Variants in SLC7A6 observed in about 807,000 individuals in gnomAD.
The protein encoded by SLC7A6 is solute carrier family 7 member 6, also known as Y+L amino acid transporter 2.
In SLC7A6, 29 loss-of-function variants were observed where a neutral mutation model predicts 46.6. The ratio of observed to expected loss-of-function variants is 0.62; its 90% CI spans 0.46 to 0.85. SLC7A6 has a LOEUF of 0.85. Ranked by LOEUF, SLC7A6 falls within the 40% of genes least tolerant of loss-of-function variation. The pLI is 0.00. For synonymous variants in SLC7A6, 276 were observed against 257.3 expected (o/e 1.07, Z -0.70); for missense variants, 527 against 647.6 (o/e 0.81, Z 2.02).
At chr16:68,289,413 C>T (rs2043003422) in intron 4 of SLC7A6, among the ~76,000 whole-genome samples, 1 of 152,228 alleles carries the variant, frequency 6.6e-6, no homozygotes, top group Non-Finnish European at 1.5e-5. Context: ...CCTGGAGGCT[C>T]AGGAGCATCC....
intron 3 of SLC7A6, among the ~76,000 whole-genome samples, chr16:68,287,112 G>C (rs1242882214): frequency 1.3e-5 from 2 of 151,620 alleles, no homozygotes; most frequent in African/African-American, 4.8e-5. Flanking sequence ...TGAGTAGCTG[G>C]GACTACAGGT....
At chr16:68,286,952 T>C (rs1235664606) in intron 3 of SLC7A6, among the ~76,000 whole-genome samples, 2 of 152,040 alleles carry the variant, frequency 1.3e-5, no homozygotes, top group African/African-American at 4.8e-5. Context: ...GAGAGGTGTA[T>C]GTGAAATTGT....
chr16:68,276,056 C>T (rs549072361), intron 3 of SLC7A6, among the ~76,000 whole-genome samples: 5 of 152,318 alleles, frequency 3.3e-5, no homozygotes, highest in Admixed American at 2.0e-4. Flanking sequence ...TGTTAAACTT[C>T]AGGCCCACAG....
intron 3 of SLC7A6, among the ~76,000 whole-genome samples, chr16:68,279,003 G>A (rs1325277514): frequency 6.6e-6 from 1 of 152,114 alleles, no homozygotes; most frequent in Non-Finnish European, 1.5e-5. Context: ...CCTCCCTCCT[G>A]GATGGGGCGG....
At chr16:68,278,509 T>C (rs1378675872) in intron 3 of SLC7A6, among the ~76,000 whole-genome samples, 1 of 151,266 alleles carries the variant, frequency 6.6e-6, no homozygotes, top group Admixed American at 6.6e-5. Flanking sequence ...GGAGTGGTGA[T>C]GACTCTTAAC....
At position 68,298,383 on chromosome 16, in the gene SLC7A6, T is replaced by G. The variant is rs2043212237; in HGVS notation, c.*1055T>G. The G allele has an allele frequency of 6.6e-6, 1 of 152,620 alleles. No individual in the cohort carries two copies. Among genetic ancestry groups the G allele is most frequent in the African/African-American group, 2.4e-5 (1 of 41,468 alleles). The allele number at this position is 152,620 out of a possible 1,614,324, so 9.5% of individuals were successfully genotyped here. A position where few individuals can be genotyped will look rare whatever the true frequency, so the allele number is the denominator to read the frequency against. On this transcript the variant is annotated 3_prime_UTR_variant, in exon 11 of 11. Transcript: ENST00000219343. ...AACCTGTTCCTCTCTGTAAGGGCAGTGTGAGGGACTGCTGTGCAGACCCAA... is the reference window on the plus strand; with the variant it reads ...AACCTGTTCCTCTCTGTAAGGGCAGGGTGAGGGACTGCTGTGCAGACCCAA...
At chr16:68,279,508 G>C (rs1276852632) in intron 3 of SLC7A6, among the ~76,000 whole-genome samples, 1 of 152,032 alleles carries the variant, frequency 6.6e-6, no homozygotes, top group African/African-American at 2.4e-5. Context: ...GTTGATCTTG[G>C]GGAGTTAACT....
At chr16:68,286,431 G>T (rs556897925) in intron 3 of SLC7A6, among the ~76,000 whole-genome samples, 1 of 152,324 alleles carries the variant, frequency 6.6e-6, no homozygotes, top group Admixed American at 6.5e-5. Context: ...TTTTATGTGT[G>T]TGTACGGTAC....
rs10525504 is a variant in SLC7A6, at chr16:68,291,762, GGTGTGT to G, written c.1022+134_1022+139del. 646 of 547,842 alleles carry G rather than the reference GGTGTGT, an allele frequency of 1.2e-3. 3 individuals are homozygous for G. The highest frequency in any genetic ancestry group is 5.0e-3 in the East Asian group (155 of 31,100). 33.9% of individuals were successfully genotyped at this position (547,842 alleles called of 1,614,324 possible). A position where few individuals can be genotyped will look rare whatever the true frequency, so the allele number is the denominator to read the frequency against. On this transcript the variant is annotated intron_variant, in intron 7 of 10. Transcript: ENST00000219343. ...TTCCCTCCTTCTCATGGGCATATAG[GGTGTGT>G]GTGTGTGTGTGTGTGTGTGTGTGTG...
chr16:68,283,221 ATGT>A, intron 3 of SLC7A6, among the ~76,000 whole-genome samples: 1 of 152,228 alleles, frequency 6.6e-6, no homozygotes, highest in Non-Finnish European at 1.5e-5. Context: ...TGGCTCAAAC[ATGT>A]TGATGTTTGT....
In SLC7A6 at chr16:68,298,620, T is replaced by C. The variant is rs1258674165; in HGVS notation, c.*1292T>C. On this transcript the variant is annotated 3_prime_UTR_variant, in exon 11 of 11. Transcript: ENST00000219343. ...AGAGCTTGGTACTTGTGGGGACTTC[T>C]GTTTTCTCCCTGTGGAGATCAGTGA... is the stretch of plus-strand genomic sequence containing the variant. 6.6e-6 allele frequency: 1 copy of C among 152,298 alleles called. No individual in the cohort carries two copies. The highest frequency in any genetic ancestry group is 1.5e-5 in the Non-Finnish European group (1 of 68,084). 9.4% of individuals were successfully genotyped at this position (152,298 alleles called of 1,614,324 possible).
At position 68,291,211 on chromosome 16, in the gene SLC7A6, A is replaced by G. The variant is rs1429050390; in HGVS notation, c.797A>G (p.Asn266Ser). The G allele has an allele frequency of 6.2e-7, 1 of 1,614,154 alleles. No homozygotes were observed. Among genetic ancestry groups the G allele is most frequent in the East Asian group, 2.2e-5 (1 of 44,878 alleles). The change falls in exon 6 of 11, where the codon AAT (asparagine) becomes AGT (serine). Residue 266 changes from asparagine to serine, a missense_variant and splice_region_variant. Coordinates refer to ENST00000219343, the MANE Select transcript of SLC7A6 (RefSeq NM_003983.6). ...VTEEIKNPER[N>S]LPLAIGISMP... is the part of the protein sequence containing the mutation. Reference sequence around the variant, plus strand: ...TCCTTTCTCACTTGTCCTGACAGAAATTTGCCCTTGGCCATTGGGATTTCT... The same window carrying G: ...TCCTTTCTCACTTGTCCTGACAGAAGTTTGCCCTTGGCCATTGGGATTTCT...
chr16:68,272,857 AC>A (rs1429877563), intron 2 of SLC7A6: 1 of 151,976 alleles, frequency 6.6e-6, no homozygotes, highest in Non-Finnish European at 1.5e-5. Context: ...TTTGCACCTG[AC>A]TCTTATGTGA....
At chr16:68,281,933 T>C (rs2042836049) in intron 3 of SLC7A6, among the ~76,000 whole-genome samples, 1 of 152,082 alleles carries the variant, frequency 6.6e-6, no homozygotes, top group Non-Finnish European at 1.5e-5. Flanking sequence ...GAGACTCCAT[T>C]CCCCCTGAGT....
chr16:68,283,158 T>C (rs10852440), intron 3 of SLC7A6, among the ~76,000 whole-genome samples: 88,604 of 152,062 alleles, frequency 0.58, 26,092 homozygotes, highest in East Asian at 0.81. Context: ...AGAGGGTGCA[T>C]ATGTTATTCA....
In SLC7A6 at chr16:68,291,672, T is replaced by A. The variant is rs2043052522; in HGVS notation, c.1022+11T>A. On this transcript the variant is annotated intron_variant, in intron 7 of 10. Coordinates refer to ENST00000219343, the MANE Select transcript of SLC7A6 (RefSeq NM_003983.6). ...CTTTGCTTCATCAAGGTACTGTGTCTCTGTGTCACTGATAATAGACCACAA... is the reference window on the plus strand; with the variant it reads ...CTTTGCTTCATCAAGGTACTGTGTCACTGTGTCACTGATAATAGACCACAA... 6.2e-7 allele frequency: 1 copy of A among 1,609,716 alleles called. No homozygotes were observed. Among genetic ancestry groups the A allele is most frequent in the Non-Finnish European group, 8.5e-7 (1 of 1,176,128 alleles).
At chr16:68,285,212 G>C (rs1232798565) in intron 3 of SLC7A6, among the ~76,000 whole-genome samples, 1 of 152,074 alleles carries the variant, frequency 6.6e-6, no homozygotes, top group Non-Finnish European at 1.5e-5. Flanking sequence ...TCAGTTTCTT[G>C]GTATTCCAAC....
At chr16:68,291,818 A>T (rs573457573) in intron 7 of SLC7A6, 157 bp downstream of exon 7, 1 of 540,014 alleles carries the variant, frequency 1.9e-6, no homozygotes, top group African/African-American at 2.5e-5. Context: ...GTGGGCATGT[A>T]CTTGCCTTTG....
intron 2 of SLC7A6, among the ~76,000 whole-genome samples, chr16:68,270,633 C>A (rs2042609095): frequency 6.6e-6 from 1 of 152,196 alleles, no homozygotes; most frequent in African/African-American, 2.4e-5. Flanking sequence ...TTCTGACTCA[C>A]CTAAATGGTG....
Sources: allele counts gnomAD v4.1 joint callset (sites outside exome capture counted in the v4.1 genomes callset), GRCh38; gene constraint gnomAD v4.1.1; transcripts MANE v1.5; gene names NCBI Gene and HGNC (gene_info 2026-07-23, HGNC 2026-07-21).